The following CFAP36 variants were observed in gnomAD, a reference collection of about 807,000 sequenced individuals.
CFAP36 encodes cilia and flagella associated protein 36.
In CFAP36, 37 loss-of-function variants were observed where a neutral mutation model predicts 50.5. That is an observed-to-expected ratio of 0.73 (90% CI 0.56 to 0.96). The LOEUF is 0.96. CFAP36 is among the 50% of genes least tolerant of loss of function. CFAP36 has a pLI of 0.00. For synonymous variants in CFAP36, 138 were observed against 128.2 expected (o/e 1.08, Z -0.52); for missense variants, 407 against 396.2 (o/e 1.03, Z -0.23).
At chr2:55,538,337 C>A (rs1416530801) in intron 7 of CFAP36, among the ~76,000 whole-genome samples, 1 of 148,280 alleles carries the variant, frequency 6.7e-6, no homozygotes, top group African/African-American at 2.5e-5. Flanking sequence ...TGTTGTTGCC[C>A]AGGCTAGAGT....
At chr2:55,520,013 AC>A in intron 1 of CFAP36, 97 bp downstream of exon 1, 2 of 1,086,372 alleles carry the variant, frequency 1.8e-6, no homozygotes, top group Non-Finnish European at 1.4e-6. Context: ...CGTCTCCCCG[AC>A]CCCCTGTCTC....
At position 55,544,923 on chromosome 2, in the gene CFAP36, C is replaced by G; in HGVS notation, c.944C>G (p.Pro315Arg). ...TTTTTTCAGGAAATGACAGAGAAAC[C>G]AGAAATGACAGCAGAGGAGAAGCAA... ...TGEVEEMTEK[P>R]EMTAEEKQTL... Residue 315 changes from proline to arginine, a missense_variant, in exon 10 of 10, where the codon CCA (proline) becomes CGA (arginine). Pro to Arg is a moderately radical substitution (Grantham distance 103, BLOSUM62 -2). Coordinates refer to ENST00000349456, the MANE Select transcript of CFAP36 (RefSeq NM_080667.7). 1 of 1,595,026 alleles carries G rather than the reference C, an allele frequency of 6.3e-7. No homozygotes were observed. The highest frequency in any genetic ancestry group is 1.2e-5 in the South Asian group (1 of 86,408).
intron 4 of CFAP36, among the ~76,000 whole-genome samples, chr2:55,531,797 CATT>C (rs549823668): frequency 3.0e-4 from 46 of 152,218 alleles, no homozygotes; most frequent in Non-Finnish European, 6.2e-4. Context: ...GGAATGAGAC[CATT>C]ATGATTGGCT....
chr2:55,543,384 T>C (rs1331716130), intron 7 of CFAP36, among the ~76,000 whole-genome samples: 2 of 152,220 alleles, frequency 1.3e-5, no homozygotes, highest in African/African-American at 4.8e-5. Flanking sequence ...CTGCTTGCTT[T>C]AGAAATCTTT....
intron 3 of CFAP36, among the ~76,000 whole-genome samples, chr2:55,524,211 G>A (rs1002693350): frequency 1.5e-4 from 23 of 152,142 alleles, no homozygotes; most frequent in African/African-American, 4.1e-4. Flanking sequence ...TACTGGTTGT[G>A]TAGTGCTAGG....
rs776439392 is a variant in CFAP36 at position 55,544,261 on chromosome 2, A to T, written c.819A>T (p.Glu273Asp). Reference protein sequence around the residue: ...VLGTEELRQREHYLKQKRDKL... With the variant: ...VLGTEELRQRDHYLKQKRDKL... ...GAACAGAAGAACTTCGGCAACGAGA[A>T]CACTATCTCAAGCAGAAGAGAGATA... Residue 273 changes from glutamate (E) to aspartate (D), a missense_variant, in exon 9 of 10, where the codon GAA becomes GAT. Coordinates refer to ENST00000349456, the MANE Select transcript of CFAP36 (RefSeq NM_080667.7). 11 of 1,613,978 alleles carry T rather than the reference A, an allele frequency of 6.8e-6. No individual in the cohort carries two copies. The South Asian group carries it at 1.2e-4, about 18-fold the overall frequency.
In CFAP36 at chr2:55,538,891, T is replaced by C. The variant is rs1684562720; in HGVS notation, c.640+1306T>C. On this transcript the variant is annotated intron_variant, in intron 7 of 9. Coordinates refer to ENST00000349456, the MANE Select transcript of CFAP36 (RefSeq NM_080667.7). Reference sequence around the variant, plus strand: ...CCTTAGTTTAGAAGAACTTCTATAATTGAGATTAGTGTGATGTTTACCCAT... The same window carrying C: ...CCTTAGTTTAGAAGAACTTCTATAACTGAGATTAGTGTGATGTTTACCCAT... 21 of 1,480,974 alleles carry C rather than the reference T, an allele frequency of 1.4e-5. No individual in the cohort carries two copies. The South Asian group carries it at 2.2e-4, about 15-fold the overall frequency. 91.7% of individuals were successfully genotyped at this position (1,480,974 alleles called of 1,614,324 possible). A position where few individuals can be genotyped will look rare whatever the true frequency, so the allele number is the denominator to read the frequency against.
chr2:55,535,687 T>G (rs1396102777), intron 5 of CFAP36, 25 bp from the exon 6 acceptor site: 4 of 1,494,026 alleles, frequency 2.7e-6, no homozygotes, highest in Non-Finnish European at 3.6e-6. Context: ...AATTTATCTT[T>G]TTATCTTATT....
intron 4 of CFAP36, among the ~76,000 whole-genome samples, chr2:55,532,167 G>A (rs982914811): frequency 3.3e-5 from 5 of 150,912 alleles, no homozygotes; most frequent in African/African-American, 9.8e-5. Flanking sequence ...GTACCACTGC[G>A]TGCCAGCCTG....
chr2:55,544,012 C>T lies in CFAP36; in HGVS notation c.715C>T (p.Leu239Phe). Residue 239 changes from leucine to phenylalanine, a missense_variant, in exon 8 of 10, where the codon CTC becomes TTC. Coordinates refer to ENST00000349456, the MANE Select transcript of CFAP36 (RefSeq NM_080667.7). The stretch of plus-strand genomic sequence containing the variant: ...AGTGGAAAGGTCTGAAACTTCCTCC[C>T]TCCCACAAAAAGACCTGAAGATTCC... ...RKVERSETSS[L>F]PQKDLKIPGL... 1.9e-6 allele frequency: 3 copies of T among 1,613,856 alleles called. No homozygotes were observed. Among genetic ancestry groups the T allele is most frequent in the Non-Finnish European group, 2.5e-6 (3 of 1,179,836 alleles).
chr2:55,534,518 G>A (rs1396383597), intron 5 of CFAP36, among the ~76,000 whole-genome samples: 1 of 152,164 alleles, frequency 6.6e-6, no homozygotes, highest in Admixed American at 6.5e-5. Flanking sequence ...GACCACTAAT[G>A]GGGTCCACAC....
chr2:55,533,986 A>G (rs753582818), intron 5 of CFAP36, 26 bp downstream of exon 5: 88 of 1,325,808 alleles, frequency 6.6e-5, no homozygotes, highest in Middle Eastern at 1.8e-4. Flanking sequence ...TGTTTTTTAA[A>G]TGAATCATTA....
chr2:55,536,862 A>C (rs188125374), intron 6 of CFAP36, among the ~76,000 whole-genome samples: 9 of 151,852 alleles, frequency 5.9e-5, no homozygotes, highest in Admixed American at 3.3e-4. Flanking sequence ...CTCGTGCCTC[A>C]GCCTCCCCAG....
chr2:55,528,950 G>C lies in CFAP36; in HGVS notation c.355G>C (p.Glu119Gln). ...AGCAATGATGGTCCAGAAAAACATTGAAATGCAGCTGCAAGCCATTCGAAT... is the reference window on the plus strand; with the variant it reads ...AGCAATGATGGTCCAGAAAAACATTCAAATGCAGCTGCAAGCCATTCGAAT... ...FKAMMVQKNI[E>Q]MQLQAIRIIQ... The change falls in exon 4 of 10, where the codon GAA becomes CAA. Residue 119 changes from glutamate to glutamine, a missense_variant. By Grantham distance (29) the Glu-to-Gln change is conservative. Coordinates refer to ENST00000349456, the MANE Select transcript of CFAP36 (RefSeq NM_080667.7). 6.2e-7 allele frequency: 1 copy of C among 1,611,722 alleles called. No individual in the cohort carries two copies. Among genetic ancestry groups the C allele is most frequent in the Non-Finnish European group, 8.5e-7 (1 of 1,178,922 alleles).
At chr2:55,519,949 TCTC>T (rs1421937649) in intron 1 of CFAP36, 33 bp downstream of exon 1, 30 of 1,596,920 alleles carry the variant, frequency 1.9e-5, no homozygotes, top group Non-Finnish European at 2.6e-5. Flanking sequence ...ACAATCCTTT[TCTC>T]CTCTCTCACA....
chr2:55,542,997 G>T (rs1684677146), intron 7 of CFAP36, among the ~76,000 whole-genome samples: 1 of 152,032 alleles, frequency 6.6e-6, no homozygotes, highest in African/African-American at 2.4e-5. Flanking sequence ...TAGAGGAGTG[G>T]TCTGTTGTCA....
At chr2:55,539,378 C>T (rs955912445) in intron 7 of CFAP36, 5 of 152,162 alleles carry the variant, frequency 3.3e-5, no homozygotes, top group Non-Finnish European at 5.9e-5. Flanking sequence ...TAGTACGTAG[C>T]CTTTTCAGAT....
chr2:55,537,121 A>G (rs1247397670), intron 6 of CFAP36, among the ~76,000 whole-genome samples: 1 of 152,192 alleles, frequency 6.6e-6, no homozygotes, highest in Non-Finnish European at 1.5e-5. Context: ...TCACTCCTGT[A>G]ATCCCAGCAC....
chr2:55,520,585 C>A, intron 1 of CFAP36: 1 of 802,344 alleles, frequency 1.2e-6, no homozygotes, highest in Non-Finnish European at 1.8e-6. Context: ...CCGTGAAGGA[C>A]AGGCATCTCC....
Sources: gnomAD v4.1 joint callset for allele counts (sites outside exome capture counted in the v4.1 genomes callset) on GRCh38, gnomAD v4.1.1 for gene constraint, MANE v1.5 for transcripts, NCBI Gene and HGNC (gene_info 2026-07-23, HGNC 2026-07-21) for gene names.